The following TACC2 variants were observed in gnomAD, a reference collection of about 807,000 sequenced individuals.
The protein encoded by TACC2 is transforming acidic coiled-coil-containing protein 2.
TACC2 carries 137 observed loss-of-function variants against 227.3 expected under a neutral mutation model. The ratio of observed to expected loss-of-function variants is 0.60; its 90% confidence interval spans 0.52 to 0.69. TACC2 has a LOEUF of 0.69. Among genes scored for constraint, TACC2 ranks in the 30% least tolerant of loss-of-function variants. The pLI is 0.00. For synonymous variants in TACC2, 1,523 were observed against 1,487.5 expected, an observed-to-expected ratio of 1.02 and a Z score of -0.55; for missense variants, 3,470 against 3,694.4, an observed-to-expected ratio of 0.94 and a Z score of 1.57.
At chr10:122,025,898 G>C (rs1329881245) in intron 2 of TACC2, among the ~76,000 whole-genome samples, 1 of 151,726 alleles carries the variant, frequency 6.6e-6, no homozygotes, top group Non-Finnish European at 1.5e-5. Context: ...ATTTTTTAAA[G>C]AGTTTTCAGA....
At chr10:122,058,667 A>G (rs1022839663) in intron 3 of TACC2, among the ~76,000 whole-genome samples, 2 of 152,026 alleles carry the variant, frequency 1.3e-5, no homozygotes, top group African/African-American at 4.8e-5. Flanking sequence ...TCGGCCTCCC[A>G]AAGTGCTGGG....
At chr10:122,097,838 G>C (rs1423657901) in intron 5 of TACC2, among the ~76,000 whole-genome samples, 2 of 152,094 alleles carry the variant, frequency 1.3e-5, no homozygotes, top group Non-Finnish European at 2.9e-5. Context: ...TCGTGGACAA[G>C]GTCCCTGAGC....
chr10:122,126,316 CTGTGTGTGTG>C (rs3037067), intron 5 of TACC2, among the ~76,000 whole-genome samples: 11 of 142,016 alleles, frequency 7.7e-5, no homozygotes, highest in African/African-American at 2.2e-4. Context: ...TAATCCAGAA[CTGTGTGTGTG>C]TGTGTGTGTG....
intron 6 of TACC2, 140 bp downstream of exon 6, chr10:122,132,874 T>C (rs978798078): frequency 2.4e-6 from 2 of 836,008 alleles, no homozygotes; most frequent in Admixed American, 4.9e-5. Flanking sequence ...ACACAGGGTG[T>C]GCACACCTGT....
chr10:122,068,709 G>A (rs909989232), intron 3 of TACC2, among the ~76,000 whole-genome samples: 2 of 150,740 alleles, frequency 1.3e-5, no homozygotes, highest in Non-Finnish European at 2.9e-5. Flanking sequence ...TGTCGCCCAG[G>A]CTGGAGTGCA....
intron 5 of TACC2, among the ~76,000 whole-genome samples, chr10:122,124,783 G>A (rs1319981031): frequency 1.3e-5 from 2 of 152,150 alleles, no homozygotes; most frequent in Non-Finnish European, 2.9e-5. Context: ...CCCTTTCCCC[G>A]ATTCCGCAGT....
At chr10:122,144,862 C>A (rs2091158917) in intron 7 of TACC2, among the ~76,000 whole-genome samples, 1 of 152,184 alleles carries the variant, frequency 6.6e-6, no homozygotes, top group Non-Finnish European at 1.5e-5. Flanking sequence ...TTGTTGTTGG[C>A]AGAGCAGGAA....
At chr10:122,124,375 G>A (rs1275768001) in intron 5 of TACC2, among the ~76,000 whole-genome samples, 2 of 152,210 alleles carry the variant, frequency 1.3e-5, no homozygotes, top group Middle Eastern at 6.8e-3. Context: ...CTCTCACTTC[G>A]GCTCCACTGC....
chr10:122,090,753 T>G (rs74902061), intron 5 of TACC2, among the ~76,000 whole-genome samples: 1,760 of 152,072 alleles, frequency 0.012, 34 homozygotes, highest in African/African-American at 0.04. Context: ...TTTATTCATG[T>G]ATTTATTTAT....
rs2077027274 is a variant in TACC2 at position 122,063,224 on chromosome 10, C to G, written c.146+12674C>G. On this transcript the variant is annotated intron_variant, in intron 3 of 22. Coordinates refer to ENST00000369005, the MANE Select transcript of TACC2 (RefSeq NM_206862.4). The stretch of plus-strand genomic sequence containing the variant: ...TGTTTTGCACATCGGCCCGGGCCAG[C>G]TCTTACAGACAGAGCCCTGTATTTC... 2.0e-5 allele frequency among the ~76,000 whole-genome samples: 3 copies of G among 152,248 alleles called. No individual in the cohort carries two copies. In the South Asian group the frequency reaches 6.2e-4, roughly 31 times the overall value.
intron 10 of TACC2, among the ~76,000 whole-genome samples, chr10:122,216,384 T>TTA (rs2141132612): frequency 6.6e-6 from 1 of 151,576 alleles, no homozygotes; most frequent in African/African-American, 2.4e-5. Flanking sequence ...ATCCTGATTT[T>TTA]TTTTTTTTTT....
At position 122,143,573 on chromosome 10, in the gene TACC2, ATC is replaced by A. The variant is rs1169179342; in HGVS notation, c.5704_5705del (p.Ser1902ProfsTer25). On this transcript the variant is annotated frameshift_variant and splice_region_variant, in exon 7 of 23. Transcript: ENST00000369005. LOFTEE classifies it high-confidence loss of function. ...ATAATTCCCTCATTGTGTCCCCAGCATCTCCCCAGCTGCTGCCCATGCGGGTC... is the reference window on the plus strand; with the variant it reads ...ATAATTCCCTCATTGTGTCCCCAGCATCCCCAGCTGCTGCCCATGCGGGTC... ...QVSTDLIAQS[I>X]SPAAAHAGLP... The A allele has an allele frequency of 6.2e-7, 1 of 1,613,866 alleles. No homozygotes were observed. Among genetic ancestry groups the A allele is most frequent in the African/African-American group, 1.3e-5 (1 of 74,906 alleles).
intron 7 of TACC2, among the ~76,000 whole-genome samples, chr10:122,185,683 GCT>G (rs1300713716): frequency 6.6e-6 from 1 of 152,208 alleles, no homozygotes; most frequent in Non-Finnish European, 1.5e-5. Flanking sequence ...TTTAGTGCAA[GCT>G]CTGTGTCACA....
intron 7 of TACC2, chr10:122,163,746 C>T: frequency 6.7e-6 from 8 of 1,190,718 alleles, no homozygotes; most frequent in Non-Finnish European, 8.3e-6. Context: ...GCCCCCGGCT[C>T]GGGCCGCGAG....
chr10:122,139,392 T>C (rs1326334948), intron 6 of TACC2, among the ~76,000 whole-genome samples: 3 of 152,208 alleles, frequency 2.0e-5, no homozygotes, highest in Non-Finnish European at 2.9e-5. Context: ...ACCAGAAATA[T>C]CTGGATGTGC....
rs970061038 is a variant in TACC2 at position 122,229,227 on chromosome 10, C to G, written c.7897-119C>G. 5 of 1,154,580 alleles carry G rather than the reference C, an allele frequency of 4.3e-6. No homozygotes were observed. The African/African-American group carries it at 6.2e-5, about 14-fold the overall frequency. The allele number at this position is 1,154,580 out of a possible 1,614,324, so 71.5% of individuals were successfully genotyped here. A position where few individuals can be genotyped will look rare whatever the true frequency, so the allele number is the denominator to read the frequency against. On this transcript the variant is annotated intron_variant, in intron 14 of 22. Coordinates refer to ENST00000369005, the MANE Select transcript of TACC2 (RefSeq NM_206862.4). ...CAAGTAATGGCAGCTAATTGATACTCTCTTTAGCCTCAAGGCAAAAATGTC... is the reference window on the plus strand; with the variant it reads ...CAAGTAATGGCAGCTAATTGATACTGTCTTTAGCCTCAAGGCAAAAATGTC...
At chr10:122,220,833 A>G (rs1420935179) in intron 11 of TACC2, among the ~76,000 whole-genome samples, 1 of 152,206 alleles carries the variant, frequency 6.6e-6, no homozygotes. Flanking sequence ...CTCAGTCTGC[A>G]GAGTGCTTTT....
intron 5 of TACC2, among the ~76,000 whole-genome samples, chr10:122,125,940 C>A (rs1459468008): frequency 2.0e-5 from 3 of 152,220 alleles, no homozygotes; most frequent in Admixed American, 1.3e-4. Flanking sequence ...CCGCACCCAA[C>A]TAATTTTTTT....
At chr10:122,026,502 T>A (rs1041506605) in intron 2 of TACC2, among the ~76,000 whole-genome samples, 7 of 152,030 alleles carry the variant, frequency 4.6e-5, no homozygotes, top group Non-Finnish European at 7.4e-5. Context: ...AGTGCATGAT[T>A]CATTTTGAAT....
Sources: gnomAD v4.1 joint callset for allele counts (sites outside exome capture counted in the v4.1 genomes callset) on GRCh38, gnomAD v4.1.1 for gene constraint, MANE v1.5 for transcripts, NCBI Gene and HGNC (gene_info 2026-07-23, HGNC 2026-07-21) for gene names.